The following SRP68 variants were observed in gnomAD, a reference collection of about 807,000 sequenced individuals.
SRP68 encodes signal recognition particle subunit SRP68.
In SRP68, 15 loss-of-function variants were observed where a neutral mutation model predicts 82.2. The ratio of observed to expected loss-of-function variants is 0.18; its 90% CI spans 0.12 to 0.28. The LOEUF (loss-of-function observed/expected upper bound fraction) is 0.28, where lower values mean the gene tolerates loss of function less well. Among genes scored for constraint, SRP68 ranks in the 10% least tolerant of loss-of-function variants. The probability of loss-of-function intolerance (pLI) is 1.00; values close to 1 mark genes in which losing one functional copy is unlikely to be tolerated. For synonymous variants in SRP68, 261 were observed against 292.6 expected (o/e 0.89, Z 1.10); for missense variants, 595 against 780.5 (o/e 0.76, Z 2.83).
chr17:76,046,049 T>C lies in SRP68; in HGVS notation c.1288A>G (p.Ile430Val). ...TCCTCAAGGGTCACCTGTAAGATGA[T>C]GTCATAGAGTCGGATCAGGTCCTGG... ...RPQDLIRLYD[I>V]ILQNLVELLQ... The change falls in exon 11 of 16, where the codon ATC (isoleucine) becomes GTC (valine). Residue 430 changes from isoleucine (I) to valine (V), a missense_variant. Physicochemically the swap from Ile to Val is conservative, Grantham distance 29. Coordinates refer to ENST00000307877, the MANE Select transcript of SRP68 (RefSeq NM_014230.4). 6.2e-7 allele frequency: 1 copy of C among 1,613,890 alleles called. No homozygotes were observed. The highest frequency in any genetic ancestry group is 8.5e-7 in the Non-Finnish European group (1 of 1,179,876).
At chr17:76,055,301 A>G (rs1378500665) in intron 8 of SRP68, among the ~76,000 whole-genome samples, 4 of 152,182 alleles carry the variant, frequency 2.6e-5, no homozygotes, top group South Asian at 2.1e-4. Context: ...TTAAATTTCA[A>G]TAGTTTTGGG....
chr17:76,064,840 CAAAAAA>C (rs11329369), intron 3 of SRP68, among the ~76,000 whole-genome samples: 1 of 83,564 alleles, frequency 1.2e-5, no homozygotes. Context: ...GACTCCATCT[CAAAAAA>C]AAAAAAAAAA....
intron 2 of SRP68, 40 bp downstream of exon 2, chr17:76,070,338 T>C: frequency 6.5e-7 from 1 of 1,540,686 alleles, no homozygotes; most frequent in East Asian, 2.2e-5. Flanking sequence ...GCAAAGCAAG[T>C]CCCACAATGA....
At chr17:76,061,430 G>T in intron 5 of SRP68, 62 bp downstream of exon 5, 1 of 1,419,572 alleles carries the variant, frequency 7.0e-7, no homozygotes, top group Non-Finnish European at 9.9e-7. Flanking sequence ...TATCTGATCT[G>T]CAGCTTAAAT....
intron 4 of SRP68, 102 bp downstream of exon 4, chr17:76,063,870 TCTGA>T (rs1315294835): frequency 1.7e-5 from 18 of 1,039,466 alleles, no homozygotes; most frequent in Admixed American, 6.0e-5. Flanking sequence ...TTTTTCCTCT[TCTGA>T]CTGTCACTTT....
intron 3 of SRP68, among the ~76,000 whole-genome samples, chr17:76,065,465 A>C (rs2066799699): frequency 2.1e-5 from 3 of 145,724 alleles, no homozygotes; most frequent in Non-Finnish European, 4.5e-5. Context: ...AAAAAGGGAG[A>C]GTCCAGATTT....
At chr17:76,045,101 A>G (rs2066619835) in intron 12 of SRP68, 191 bp downstream of exon 12, 1 of 529,666 alleles carries the variant, frequency 1.9e-6, no homozygotes, top group African/African-American at 1.9e-5. Flanking sequence ...GGCAGACATC[A>G]TCACTGGCCA....
chr17:76,062,305 A>T (rs1269378601), intron 4 of SRP68, among the ~76,000 whole-genome samples: 1 of 124,372 alleles, frequency 8.0e-6, no homozygotes, highest in Non-Finnish European at 1.6e-5. Flanking sequence ...AAAAAAAAAA[A>T]TTTAGCCAGG....
intron 9 of SRP68, 143 bp from the exon 10 acceptor site, chr17:76,048,113 C>G: frequency 2.5e-6 from 1 of 394,316 alleles, no homozygotes; most frequent in Admixed American, 3.9e-5. Flanking sequence ...TATCAAAGAT[C>G]TATACTTGAC....
At chr17:76,049,315 C>T (rs1014023115) in intron 9 of SRP68, 1 of 152,076 alleles carries the variant, frequency 6.6e-6, no homozygotes, top group African/African-American at 2.4e-5. Context: ...TCTCTGTGGG[C>T]TAGGATGGTG....
chr17:76,061,649 T>A, intron 4 of SRP68, 75 bp from the exon 5 acceptor site: 1 of 1,267,628 alleles, frequency 7.9e-7, no homozygotes, highest in African/African-American at 1.5e-5. Context: ...TTTATTGGCT[T>A]CTAACTTTGA....
At chr17:76,046,240 A>T in intron 10 of SRP68, 46 bp from the exon 11 acceptor site, 1 of 1,567,998 alleles carries the variant, frequency 6.4e-7, no homozygotes, top group Non-Finnish European at 8.7e-7. Context: ...AGAGAAGCGG[A>T]GGAACTGGGA....
chr17:76,053,189 C>A (rs2066687464), intron 8 of SRP68, among the ~76,000 whole-genome samples: 1 of 150,146 alleles, frequency 6.7e-6, no homozygotes, highest in Non-Finnish European at 1.5e-5. Context: ...CCAACTGAGA[C>A]CAGGAGGTGG....
At chr17:76,041,781 C>T (rs914017926) in intron 13 of SRP68, among the ~76,000 whole-genome samples, 1 of 152,112 alleles carries the variant, frequency 6.6e-6, no homozygotes, top group Admixed American at 6.5e-5. Context: ...AACAAAACTA[C>T]AAGCTCTCTG....
At chr17:76,061,268 A>C in intron 5 of SRP68, 49 bp from the exon 6 acceptor site, 1 of 1,311,104 alleles carries the variant, frequency 7.6e-7, no homozygotes. Flanking sequence ...TATAAGAAAA[A>C]CTCATGGGGA....
chr17:76,067,885 T>A (rs768833207), intron 2 of SRP68, among the ~76,000 whole-genome samples: 1 of 152,140 alleles, frequency 6.6e-6, no homozygotes, highest in Admixed American at 6.6e-5. Flanking sequence ...TTGAGTAGAA[T>A]CATGCAGAGA....
At chr17:76,068,806 G>A (rs1225874560) in intron 2 of SRP68, among the ~76,000 whole-genome samples, 1 of 152,012 alleles carries the variant, frequency 6.6e-6, no homozygotes, top group African/African-American at 2.4e-5. Context: ...CTATGTTGCT[G>A]TTGCCCAGGC....
Position 76,072,171 on chromosome 17 carries a change from C to CA in SRP68, c.184+136dup. ...AGACCCCCCCCGGAATTCTGAGCAC[C>CA]AAAAGGTAAGGGCGAGAGAAACTGC... On this transcript the variant is annotated intron_variant, in intron 1 of 15. Transcript: ENST00000307877. The surrounding 1 kb of genome is among the most constrained non-coding windows in gnomAD (Gnocchi z 4.5). The CA allele has an allele frequency of 2.6e-6, 4 of 1,520,460 alleles. No homozygotes were observed. Among genetic ancestry groups the CA allele is most frequent in the Non-Finnish European group, 3.5e-6 (4 of 1,138,574 alleles). 94.2% of individuals were successfully genotyped at this position (1,520,460 alleles called of 1,614,324 possible).
In SRP68 at chr17:76,045,294, G is replaced by A. The variant is rs372866152; in HGVS notation, c.1392C>T (p.Tyr464=). ...CTGCCCATCCCATGGGACGTTACCT[G>A]TAAGCTTTGAACACCAGAGTCTTGA... The part of the protein sequence containing the change: ...IGLKTLVFKA[Y]RCFFIAQSYV... The change falls in exon 12 of 16, where the codon TAC becomes TAT. Residue 464 remains tyrosine (Y), a splice_region_variant and synonymous_variant. Coordinates refer to ENST00000307877, the MANE Select transcript of SRP68 (RefSeq NM_014230.4). 5 of 1,612,998 alleles carry A rather than the reference G, an allele frequency of 3.1e-6. No individual in the cohort carries two copies. The African/African-American group carries it at 6.7e-5, about 22-fold the overall frequency.
Sources: allele counts gnomAD v4.1 joint callset (sites outside exome capture counted in the v4.1 genomes callset), GRCh38; gene constraint gnomAD v4.1.1; non-coding constraint Gnocchi (gnomAD v3.1); transcripts MANE v1.5; gene names NCBI Gene and HGNC (gene_info 2026-07-23, HGNC 2026-07-21).